CCDC83: variants seen among roughly 807,000 people sequenced by gnomAD.
CCDC83 encodes the protein coiled-coil domain-containing protein 83.
In CCDC83, 54 loss-of-function variants were observed where a neutral mutation model predicts 50.1. The ratio of observed to expected loss-of-function variants is 1.08; its 90% CI spans 0.87 to 1.35. The LOEUF (loss-of-function observed/expected upper bound fraction) is 1.35, where lower values mean the gene tolerates loss of function less well. Ranked by LOEUF, CCDC83 falls within the 40% of genes most tolerant of loss-of-function variation. CCDC83 has a pLI of 0.00. For missense variants in CCDC83, 518 were observed against 473.9 expected (o/e 1.09, Z -0.86); for synonymous variants, 161 against 153.3 (o/e 1.05, Z -0.37).
rs140823661 is a variant in CCDC83, at chr11:85,904,875, T to C, written c.672+5860T>C. Among the ~76,000 whole-genome samples the C allele has an allele frequency of 9.5e-4, 144 of 152,368 alleles. 1 individual carries two copies. The highest frequency in any genetic ancestry group is 3.3e-3 in the African/African-American group (139 of 41,582). ...GTCTAGGAAACAAGGAATTTAAACA[T>C]TCATATGGCTTCTATGATAACTGAC... On this transcript the variant is annotated intron_variant, in intron 7 of 10. Coordinates refer to ENST00000342404, the MANE Select transcript of CCDC83 (RefSeq NM_001286159.2).
At chr11:85,879,722 C>T (rs889762864) in intron 3 of CCDC83, among the ~76,000 whole-genome samples, 2 of 151,928 alleles carry the variant, frequency 1.3e-5, no homozygotes, top group Non-Finnish European at 2.9e-5. Context: ...TGGGTTCAAA[C>T]GATTCTGCTG....
chr11:85,901,641 C>CAA (rs61687599), intron 7 of CCDC83, among the ~76,000 whole-genome samples: 2,610 of 122,178 alleles, frequency 0.021, 71 homozygotes, highest in African/African-American at 0.068. Context: ...GACCACAATA[C>CAA]AAAAAAAAAA....
intron 2 of CCDC83, among the ~76,000 whole-genome samples, chr11:85,868,378 ATTTG>A (rs1206071540): frequency 1.3e-5 from 2 of 151,938 alleles, no homozygotes; most frequent in Non-Finnish European, 2.9e-5. Flanking sequence ...TGGATCAGTG[ATTTG>A]TTTGTTTTTG....
At chr11:85,917,960 T>C (rs1461741412) in intron 10 of CCDC83, 1 of 152,220 alleles carries the variant, frequency 6.6e-6, no homozygotes, top group Non-Finnish European at 1.5e-5. Flanking sequence ...GGTGTATTAC[T>C]TGAGAATCCT....
rs567346838 is a variant in CCDC83 at position 85,865,023 on chromosome 11, C to G, written c.-28-73C>G. The G allele has an allele frequency of 5.8e-5, 43 of 742,916 alleles. No individual in the cohort carries two copies. The African/African-American group carries it at 7.3e-4, about 13-fold the overall frequency. 46.0% of individuals were successfully genotyped at this position (742,916 alleles called of 1,614,324 possible). ...AGCCAGTATTAAGTCCCAGAGGTAC[C>G]TTATCTAGAGTAAACAAAAGTAGGG... On this transcript the variant is annotated intron_variant, in intron 1 of 10. Coordinates refer to ENST00000342404, the MANE Select transcript of CCDC83 (RefSeq NM_001286159.2).
intron 5 of CCDC83, among the ~76,000 whole-genome samples, chr11:85,894,168 C>T (rs2093362247): frequency 6.6e-6 from 1 of 152,184 alleles, no homozygotes; most frequent in African/African-American, 2.4e-5. Context: ...AACAGTTCCT[C>T]ATGCAGAAAA....
At chr11:85,879,917 T>C (rs2135025502) in intron 3 of CCDC83, among the ~76,000 whole-genome samples, 1 of 152,236 alleles carries the variant, frequency 6.6e-6, no homozygotes, top group South Asian at 2.1e-4. Context: ...CGCCCTGCCT[T>C]GTGTGCGTCT....
At chr11:85,917,168 GA>G (rs1491153744) in intron 10 of CCDC83, among the ~76,000 whole-genome samples, 2 of 69,614 alleles carry the variant, frequency 2.9e-5, no homozygotes, top group African/African-American at 1.1e-4. Flanking sequence ...GAGAGAGAGA[GA>G]AAGAAAGAAA....
At chr11:85,917,209 G>GGAAAGAAAGAAAGAAAGAAA (rs150122733) in intron 10 of CCDC83, among the ~76,000 whole-genome samples, 1 of 94,808 alleles carries the variant, frequency 1.1e-5, no homozygotes, top group African/African-American at 3.9e-5. Context: ...AAAGAAAGAA[G>GGAAAGAAAGAAAGAAAGAAA]GAAAGAAAGA....
intron 7 of CCDC83, among the ~76,000 whole-genome samples, chr11:85,903,465 T>A (rs1395722843): frequency 6.6e-6 from 1 of 151,550 alleles, no homozygotes; most frequent in Non-Finnish European, 1.5e-5. Flanking sequence ...CCATCTAATT[T>A]TTTTTTTTTG....
chr11:85,863,443 G>C (rs1161826859), intron 1 of CCDC83, among the ~76,000 whole-genome samples: 1 of 152,148 alleles, frequency 6.6e-6, no homozygotes, highest in East Asian at 1.9e-4. Context: ...ACTACTTAAT[G>C]TACTAATGTA....
intron 7 of CCDC83, among the ~76,000 whole-genome samples, chr11:85,908,031 A>C (rs17148584): frequency 0.02 from 3,026 of 152,232 alleles, 87 homozygotes; most frequent in African/African-American, 0.068. Context: ...CAAAATAATT[A>C]TCTCTCAACA....
chr11:85,865,639 G>A (rs1459674482), intron 2 of CCDC83, among the ~76,000 whole-genome samples: 1 of 152,234 alleles, frequency 6.6e-6, no homozygotes, highest in Non-Finnish European at 1.5e-5. Flanking sequence ...TGTATTCCCA[G>A]CCCTTTGGGA....
chr11:85,862,709 T>G (rs1294327465), intron 1 of CCDC83, among the ~76,000 whole-genome samples: 1 of 152,208 alleles, frequency 6.6e-6, no homozygotes, highest in Non-Finnish European at 1.5e-5. Context: ...CTGAGAGAAA[T>G]CTTCTGGGTG....
intron 3 of CCDC83, among the ~76,000 whole-genome samples, chr11:85,882,136 A>AAT (rs1565141434): frequency 0.015 from 1,987 of 129,798 alleles, 20 homozygotes; most frequent in Middle Eastern, 0.04. Context: ...AAAAAAACAA[A>AAT]AATAATAATA....
intron 7 of CCDC83, among the ~76,000 whole-genome samples, chr11:85,904,621 T>C (rs78908546): frequency 6.6e-6 from 1 of 152,364 alleles, no homozygotes; most frequent in African/African-American, 2.4e-5. Flanking sequence ...AACTGATGTG[T>C]GTCCTCGTCT....
intron 5 of CCDC83, among the ~76,000 whole-genome samples, chr11:85,887,549 T>C (rs550781980): frequency 6.6e-6 from 1 of 152,250 alleles, no homozygotes; most frequent in East Asian, 1.9e-4. Flanking sequence ...GTCAAAAGGT[T>C]CTTCTTCTGA....
chr11:85,914,330 C>T (rs1485240250), intron 8 of CCDC83, among the ~76,000 whole-genome samples: 1 of 152,158 alleles, frequency 6.6e-6, no homozygotes, highest in Non-Finnish European at 1.5e-5. Context: ...TTCAGGTAAA[C>T]CTCATGGAAA....
At chr11:85,874,170 G>T (rs2135006872) in intron 3 of CCDC83, among the ~76,000 whole-genome samples, 1 of 152,248 alleles carries the variant, frequency 6.6e-6, no homozygotes, top group Non-Finnish European at 1.5e-5. Context: ...ATATTTAGTG[G>T]ATAAGACAAG....
Sources: gnomAD v4.1 joint callset for allele counts (sites outside exome capture counted in the v4.1 genomes callset) on GRCh38, gnomAD v4.1.1 for gene constraint, MANE v1.5 for transcripts, NCBI Gene and HGNC (gene_info 2026-07-23, HGNC 2026-07-21) for gene names.